MAPK3: variants seen among roughly 807,000 people sequenced by gnomAD.
MAPK3 encodes mitogen-activated protein kinase 3.
A neutral mutation model predicts 41.8 loss-of-function variants in MAPK3; 30 were observed. The ratio of observed to expected loss-of-function variants is 0.72; its 90% confidence interval spans 0.54 to 0.97. The LOEUF (loss-of-function observed/expected upper bound fraction) is 0.97. MAPK3 is among the 50% of genes least tolerant of loss of function. The probability of loss-of-function intolerance (pLI) is 0.00; values close to 1 mark genes in which losing one functional copy is unlikely to be tolerated. For missense variants in MAPK3, 413 were observed against 509.9 expected, an observed-to-expected ratio of 0.81 and a Z score of 1.83; for synonymous variants, 222 against 213.4, an observed-to-expected ratio of 1.04 and a Z score of -0.35.
At chr16:30,122,961 A>G (rs1403889075) in intron 1 of MAPK3, 79 bp downstream of exon 1, 14 of 1,206,090 alleles carry the variant, frequency 1.2e-5, no homozygotes, top group South Asian at 5.5e-5. Flanking sequence ...ACGTCCCGGA[A>G]AGCGCTCGGC....
At position 30,115,165 on chromosome 16, in the gene MAPK3, G is replaced by A. The variant is rs149649126; in HGVS notation, c.*33-457C>T. On this transcript the variant is annotated intron_variant, in intron 8 of 8. Coordinates refer to ENST00000263025, the MANE Select transcript of MAPK3 (RefSeq NM_002746.3). ...CCCAGGAGTTTTGAGGCTGCAGTGA[G>A]CTATGATTGCACCACTGCATTCCAG... Among the ~76,000 whole-genome samples, 81 of 152,116 alleles carry A rather than the reference G, an allele frequency of 5.3e-4. No individual in the cohort carries two copies. The East Asian group carries it at 0.015, about 27-fold the overall frequency.
At position 30,121,924 on chromosome 16, in the gene MAPK3, T is replaced by C; in HGVS notation, c.253A>G (p.Thr85Ala). 1 of 1,614,144 alleles carries C rather than the reference T, an allele frequency of 6.2e-7. No individual in the cohort carries two copies. Among genetic ancestry groups the C allele is most frequent in the East Asian group, 2.2e-5 (1 of 44,884 alleles). Residue 85 changes from threonine to alanine, a missense_variant, in exon 2 of 9, where the codon ACG becomes GCG. Thr to Ala is a moderately conservative substitution (Grantham distance 58). This residue lies in a region of MAPK3 where 145 missense variants were observed against 133.0 expected (regional missense o/e 1.09). Transcript: ENST00000263025. Reference protein sequence around the residue: ...PFEHQTYCQRTLREIQILLRF... With the variant: ...PFEHQTYCQRALREIQILLRF... ...AGCAGGATCTGGATCTCCCGGAGCG[T>C]GCGCTGGCAGTAGGTCTGATGTTCG...
intron 2 of MAPK3, among the ~76,000 whole-genome samples, chr16:30,120,023 G>T (rs80191836): frequency 6.6e-6 from 1 of 152,160 alleles, no homozygotes; most frequent in African/African-American, 2.4e-5. Context: ...ACAAAAATTA[G>T]CCGGGCGTGG....
In MAPK3 at chr16:30,116,690, G is replaced by A. The variant is rs1274257423; in HGVS notation, c.1118C>T (p.Pro373Leu). Residue 373 changes from proline to leucine, a missense_variant, in exon 8 of 9, where the codon CCC becomes CTC. Physicochemically the swap from Pro to Leu is moderately conservative, Grantham distance 98. Around this residue, in one of 4 missense-constraint regions of MAPK3, gnomAD observed 123 missense variants for 147.8 expected, o/e 0.83. Transcript: ENST00000263025. Reference protein sequence around the residue: ...LIFQETARFQPGVLEAP With the variant: ...LIFQETARFQLGVLEAP Reference sequence around the variant, plus strand: ...GGGCTAGGGGGCCTCCAGCACTCCGGGCTGGAAGCGTGCTGTCTCCTGGAA... The same window carrying A: ...GGGCTAGGGGGCCTCCAGCACTCCGAGCTGGAAGCGTGCTGTCTCCTGGAA... 3.1e-6 allele frequency: 5 copies of A among 1,613,552 alleles called. No individual in the cohort carries two copies. In the African/African-American group the frequency reaches 6.7e-5, roughly 22 times the overall value.
intron 8 of MAPK3, 60 bp downstream of exon 8, chr16:30,116,576 A>G: frequency 6.6e-7 from 1 of 1,508,538 alleles, no homozygotes; most frequent in South Asian, 1.2e-5. Flanking sequence ...ATAGATATAG[A>G]TATACAGATA....
chr16:30,120,498 T>C (rs1420590695), intron 2 of MAPK3, among the ~76,000 whole-genome samples: 4 of 152,016 alleles, frequency 2.6e-5, no homozygotes, highest in African/African-American at 4.8e-5. Flanking sequence ...GAAAGCAGTA[T>C]TGGGGGAGGA....
At chr16:30,116,588 A>C in intron 8 of MAPK3, 48 bp downstream of exon 8, 4 of 1,550,856 alleles carry the variant, frequency 2.6e-6, no homozygotes, top group Non-Finnish European at 3.5e-6. Flanking sequence ...ATACAGATAT[A>C]GATATTTAGT....
intron 1 of MAPK3, 172 bp downstream of exon 1, chr16:30,122,868 C>G: frequency 5.8e-6 from 3 of 516,896 alleles, no homozygotes; most frequent in East Asian, 3.5e-5. Context: ...GCCCCCTCCC[C>G]CAGAAAGCAC....
chr16:30,117,053 G>C, intron 6 of MAPK3, 50 bp from the exon 7 acceptor site: 1 of 1,593,968 alleles, frequency 6.3e-7, no homozygotes, highest in Non-Finnish European at 8.6e-7. Flanking sequence ...GAGGAGCTCC[G>C]AGAAGCATTG....
intron 2 of MAPK3, among the ~76,000 whole-genome samples, chr16:30,119,786 T>A (rs533618065): frequency 6.6e-6 from 1 of 152,328 alleles, no homozygotes; most frequent in East Asian, 1.9e-4. Flanking sequence ...TATTTGAAGA[T>A]ACAAAAAAGC....
chr16:30,117,631 G>A (rs2072970690), intron 5 of MAPK3, 39 bp downstream of exon 5: 2 of 1,515,538 alleles, frequency 1.3e-6, no homozygotes, highest in South Asian at 2.2e-5. Flanking sequence ...CCTCGGAAAA[G>A]CTAATCATCC....
chr16:30,116,980 A>G lies in MAPK3; in HGVS notation c.931T>C (p.Leu311=). Residue 311 remains leucine, a synonymous_variant, in exon 7 of 9, where the codon TTA becomes CTA. Coordinates refer to ENST00000263025, the MANE Select transcript of MAPK3 (RefSeq NM_002746.3). Reference sequence around the variant, plus strand: ...ATCCGTTTATTGGGGTTAAAGGTTAACATCCGGTCCAGCAGGTCAAGGGCT... The same window carrying G: ...ATCCGTTTATTGGGGTTAAAGGTTAGCATCCGGTCCAGCAGGTCAAGGGCT... ...SKALDLLDRM[L]TFNPNKRITV... is the part of the protein sequence containing the mutation. The G allele has an allele frequency of 6.2e-7, 1 of 1,609,102 alleles. No homozygotes were observed. The highest frequency in any genetic ancestry group is 2.2e-5 in the East Asian group (1 of 44,804).
intron 3 of MAPK3, 52 bp downstream of exon 3, chr16:30,118,297 C>A (rs1424664085): frequency 4.4e-6 from 7 of 1,587,026 alleles, no homozygotes; most frequent in Non-Finnish European, 5.2e-6. Context: ...CTACTGGTCA[C>A]TGGAAGCCCC....
At position 30,122,004 on chromosome 16, in the gene MAPK3, G is replaced by A. The variant is rs1370684329; in HGVS notation, c.173C>T (p.Ser58Leu). 6 of 1,613,946 alleles carry A rather than the reference G, an allele frequency of 3.7e-6. No homozygotes were observed. The highest frequency in any genetic ancestry group is 5.1e-6 in the Non-Finnish European group (6 of 1,180,038). The change falls in exon 2 of 9, where the codon TCG becomes TTG. Residue 58 changes from serine (S) to leucine (L), a missense_variant and splice_region_variant. Physicochemically the swap from Ser to Leu is moderately radical, Grantham distance 145. Coordinates refer to ENST00000263025, the MANE Select transcript of MAPK3 (RefSeq NM_002746.3). ...IGEGAYGMVS[S>L]AYDHVRKTRV... is the part of the protein sequence containing the mutation. ...AGTCTTGCGCACGTGGTCATAGGCC[G>A]AGCTGAGGGGACCGGAGAGAGGCTG... is the stretch of plus-strand genomic sequence containing the variant.
intron 1 of MAPK3, 109 bp downstream of exon 1, chr16:30,122,931 T>G (rs1039408243): frequency 1.9e-6 from 2 of 1,035,872 alleles, no homozygotes; most frequent in South Asian, 2.0e-5. Context: ...TCCTGCCTCC[T>G]CGGGACGCTC....
Position 30,118,555 on chromosome 16 carries a change from A to G in MAPK3, c.354-17T>C. 1 of 1,603,630 alleles carries G rather than the reference A, an allele frequency of 6.2e-7. No individual in the cohort carries two copies. The highest frequency in any genetic ancestry group is 1.1e-5 in the South Asian group (1 of 90,182). ...ACAATGTAGCTGAGGATGGTTCCGC[A>G]GACCCCCCCAGGCAGGGGGCAGTGG... On this transcript the variant is annotated splice_polypyrimidine_tract_variant and intron_variant, in intron 2 of 8. Transcript: ENST00000263025.
intron 2 of MAPK3, among the ~76,000 whole-genome samples, chr16:30,121,223 C>T (rs2073012144): frequency 6.6e-6 from 1 of 152,136 alleles, no homozygotes; most frequent in Non-Finnish European, 1.5e-5. Context: ...ATTCTCCTAC[C>T]TCTGCCTCCC....
intron 7 of MAPK3, 49 bp downstream of exon 7, chr16:30,116,845 C>T: frequency 1.2e-6 from 2 of 1,613,218 alleles, no homozygotes; most frequent in Non-Finnish European, 1.7e-6. Context: ...GCCTACGTGC[C>T]CCCCTGCTCC....
chr16:30,123,180 C>G lies in MAPK3; in HGVS notation c.30G>C (p.Gly10=), dbSNP rs752932744. 7.4e-7 allele frequency: 1 copy of G among 1,347,200 alleles called. No individual in the cohort carries two copies. The highest frequency in any genetic ancestry group is 9.9e-7 in the Non-Finnish European group (1 of 1,011,544). The allele number at this position is 1,347,200 out of a possible 1,614,324, so 83.5% of individuals were successfully genotyped here. The change falls in exon 1 of 9, where the codon GGG becomes GGC. Residue 10 remains glycine (G), a synonymous_variant. Coordinates refer to ENST00000263025, the MANE Select transcript of MAPK3 (RefSeq NM_002746.3). MAAAAAQGG[G]GGEPRRTEGV... is the part of the protein sequence containing the mutation. The stretch of plus-strand genomic sequence containing the variant: ...CCTCGGTTCTACGGGGCTCCCCGCC[C>G]CCGCCCCCCTGAGCCGCCGCCGCCG...
Sources: gnomAD v4.1 joint callset for allele counts (sites outside exome capture counted in the v4.1 genomes callset) on GRCh38, gnomAD v4.1.1 for gene constraint, gnomAD v4.1.1 regional missense constraint, MANE v1.5 for transcripts, NCBI Gene and HGNC (gene_info 2026-07-23, HGNC 2026-07-21) for gene names.